NAV2: variants seen among roughly 807,000 people sequenced by gnomAD.
The protein encoded by NAV2 is helicase, APC down-regulated 1.
Under a neutral mutation model 223.2 loss-of-function variants are expected in NAV2, and 54 were observed. The observed-to-expected ratio is 0.24, with a 90% CI of 0.19 to 0.30. The LOEUF (loss-of-function observed/expected upper bound fraction) is 0.30. Ranked by LOEUF, NAV2 falls within the 10% of genes least tolerant of loss-of-function variation. NAV2 has a pLI of 1.00. For synonymous variants in NAV2, 1,279 were observed against 1,239.3 expected, an observed-to-expected ratio of 1.03 and a Z score of -0.67; for missense variants, 2,806 against 3,147.5, an observed-to-expected ratio of 0.89 and a Z score of 2.60.
chr11:19,377,058 G>A (rs559112929), intron 1 of NAV2, among the ~76,000 whole-genome samples: 8 of 152,320 alleles, frequency 5.3e-5, no homozygotes, highest in Admixed American at 3.9e-4. Flanking sequence ...AACATGGCGT[G>A]GGGAAAGTGC....
At chr11:19,494,939 T>C (rs2042747018) in intron 1 of NAV2, among the ~76,000 whole-genome samples, 1 of 152,224 alleles carries the variant, frequency 6.6e-6, no homozygotes, top group African/African-American at 2.4e-5. Context: ...ACTCATTCTT[T>C]TCTCTGCCCC....
At chr11:19,814,403 G>C (rs78469645) in intron 1 of NAV2, among the ~76,000 whole-genome samples, 115 of 152,302 alleles carry the variant, frequency 7.6e-4, no homozygotes, top group African/African-American at 2.7e-3. Flanking sequence ...TGGCCAGGGT[G>C]ACCTGAATGG....
At chr11:19,485,275 T>C (rs1049640942) in intron 1 of NAV2, among the ~76,000 whole-genome samples, 1 of 152,290 alleles carries the variant, frequency 6.6e-6, no homozygotes, top group Non-Finnish European at 1.5e-5. Flanking sequence ...GGTCAAGATG[T>C]GGTGTTATCC....
At chr11:20,079,387 G>T (rs1218485054) in intron 24 of NAV2, among the ~76,000 whole-genome samples, 1 of 152,148 alleles carries the variant, frequency 6.6e-6, no homozygotes, top group African/African-American at 2.4e-5. Flanking sequence ...CTGAAGTGGG[G>T]CTAGAACCTG....
chr11:19,932,257 A>AAAAAAAAAAAAAAG (rs1555153008), intron 6 of NAV2, among the ~76,000 whole-genome samples: 105 of 99,906 alleles, frequency 1.1e-3, no homozygotes, highest in East Asian at 2.7e-3. Flanking sequence ...AAAAAAAAAA[A>AAAAAAAAAAAAAAG]AAAGAAAGAA....
At chr11:19,387,101 G>T (rs1471891409) in intron 1 of NAV2, among the ~76,000 whole-genome samples, 1 of 152,104 alleles carries the variant, frequency 6.6e-6, no homozygotes, top group Admixed American at 6.5e-5. Flanking sequence ...TTTGCTAAGT[G>T]TGCTCACACA....
intron 11 of NAV2, among the ~76,000 whole-genome samples, chr11:19,989,145 C>T (rs77671741): frequency 2.4e-3 from 372 of 152,286 alleles, no homozygotes; most frequent in Non-Finnish European, 4.4e-3. Context: ...ATCTCCAGAA[C>T]CTGTGGATAT....
At chr11:19,929,821 C>T (rs751183209) in intron 6 of NAV2, among the ~76,000 whole-genome samples, 4 of 152,090 alleles carry the variant, frequency 2.6e-5, no homozygotes, top group African/African-American at 4.8e-5. Flanking sequence ...TGAGTCAGGG[C>T]GGGGAGTCTC....
At chr11:20,035,851 T>C (rs756706940) in intron 11 of NAV2, 108 bp from the exon 12 acceptor site, 47 of 1,309,176 alleles carry the variant, frequency 3.6e-5, no homozygotes, top group Non-Finnish European at 4.9e-5. Context: ...CGGGGCTTCA[T>C]GGCACAGATT....
intron 4 of NAV2, 91 bp downstream of exon 4, chr11:19,869,088 G>A (rs746565951): frequency 7.1e-5 from 91 of 1,277,972 alleles, no homozygotes; most frequent in Non-Finnish European, 8.9e-5. Context: ...ATTATGACAA[G>A]GGATGCTTGT....
intron 8 of NAV2, among the ~76,000 whole-genome samples, chr11:19,944,536 C>G (rs2046685394): frequency 6.7e-6 from 1 of 149,148 alleles, no homozygotes; most frequent in Non-Finnish European, 1.5e-5. Context: ...CCTTCCTTTC[C>G]ATTCCGTTCC....
At position 19,767,940 on chromosome 11, in the gene NAV2, C is replaced by T. The variant is rs78856345; in HGVS notation, c.267+53978C>T. On this transcript the variant is annotated intron_variant, in intron 1 of 37. Transcript: ENST00000349880. ...CCCATGTCTATCTCTTCCCTGCAGA[C>T]GGGCTTGATCCCTGCCAACTGCAGA... is the stretch of plus-strand genomic sequence containing the variant. Among the ~76,000 whole-genome samples the T allele has an allele frequency of 3.9e-3, 600 of 152,336 alleles. 2 individuals carry two copies. The highest frequency in any genetic ancestry group is 0.014 in the African/African-American group (564 of 41,584).
intron 4 of NAV2, 146 bp downstream of exon 4, chr11:19,869,143 C>G: frequency 6.6e-6 from 5 of 753,344 alleles, no homozygotes; most frequent in Middle Eastern, 5.2e-4. Context: ...CAGTGGTTGC[C>G]TAGACTTGAG....
intron 1 of NAV2, among the ~76,000 whole-genome samples, chr11:19,424,689 TAGGTG>T (rs1019950395): frequency 4.6e-5 from 7 of 151,912 alleles, no homozygotes; most frequent in African/African-American, 1.5e-4. Flanking sequence ...TCTGGGATTA[TAGGTG>T]CCTGCCACAC....
chr11:19,593,869 A>C (rs548140763), intron 1 of NAV2, among the ~76,000 whole-genome samples: 138 of 152,178 alleles, frequency 9.1e-4, no homozygotes, highest in Non-Finnish European at 5.6e-4. Context: ...CATGTCATTT[A>C]CCCATCTTCT....
At chr11:19,604,563 C>T (rs899516481) in intron 1 of NAV2, among the ~76,000 whole-genome samples, 2 of 152,056 alleles carry the variant, frequency 1.3e-5, no homozygotes, top group African/African-American at 4.8e-5. Context: ...TGCATTAAAT[C>T]GTTGAATCTT....
intron 1 of NAV2, among the ~76,000 whole-genome samples, chr11:19,743,779 C>T (rs2053077368): frequency 6.6e-6 from 1 of 152,242 alleles, no homozygotes; most frequent in Non-Finnish European, 1.5e-5. Context: ...GGGCAGTCAT[C>T]CCGGCAGCTT....
At chr11:19,994,996 C>T (rs1413548392) in intron 11 of NAV2, among the ~76,000 whole-genome samples, 1 of 152,178 alleles carries the variant, frequency 6.6e-6, no homozygotes, top group Non-Finnish European at 1.5e-5. Flanking sequence ...CTCTAAGTAA[C>T]TCTGATGAAG....
chr11:20,023,348 C>G (rs1032254299), intron 11 of NAV2, among the ~76,000 whole-genome samples: 3 of 152,178 alleles, frequency 2.0e-5, no homozygotes, highest in African/African-American at 4.8e-5. Context: ...TCTTCCGCCC[C>G]CATTGATTCT....
Sources: allele counts gnomAD v4.1 joint callset (sites outside exome capture counted in the v4.1 genomes callset), GRCh38; gene constraint gnomAD v4.1.1; transcripts MANE v1.5; gene names NCBI Gene and HGNC (gene_info 2026-07-23, HGNC 2026-07-21).